Variants in LUC7L3 observed in about 807,000 individuals in gnomAD.
LUC7L3 encodes luc7-like protein 3.
LUC7L3 carries 6 observed loss-of-function variants against 66.8 expected under a neutral mutation model. The observed-to-expected ratio is 0.09, with a 90% CI of 0.05 to 0.18. LUC7L3 has a LOEUF of 0.18. Ranked by LOEUF, LUC7L3 falls within the 10% of genes least tolerant of loss-of-function variation. LUC7L3 has a pLI of 1.00. For synonymous variants in LUC7L3, 160 were observed against 174.7 expected (o/e 0.92, Z 0.66); for missense variants, 341 against 531.1 (o/e 0.64, Z 3.52).
intron 1 of LUC7L3, among the ~76,000 whole-genome samples, chr17:50,734,277 C>T (rs535028315): frequency 5.3e-5 from 8 of 152,106 alleles, no homozygotes; most frequent in African/African-American, 1.7e-4. Flanking sequence ...AAGCAATTCT[C>T]CTGCCTCAGC....
intron 1 of LUC7L3, among the ~76,000 whole-genome samples, chr17:50,720,456 ATAT>A (rs577332872): frequency 1.1e-3 from 164 of 152,224 alleles, no homozygotes; most frequent in Non-Finnish European, 1.8e-3. Context: ...GTAAAGGTAA[ATAT>A]TATAACCCCA....
intron 5 of LUC7L3, among the ~76,000 whole-genome samples, chr17:50,743,497 C>A (rs12150308): frequency 0.085 from 12,893 of 152,118 alleles, 699 homozygotes; most frequent in Middle Eastern, 0.16. Context: ...TGAGCCATCG[C>A]GTCTGGCCGA....
In LUC7L3 at chr17:50,746,552, C is replaced by G. The variant is rs777875119; in HGVS notation, c.988C>G (p.Arg330Gly). ...TTTTAAATTATTAAGAAGTAGAGAT[C>G]GACGAAGAAGCAGAAGCCATGATCG... ...RERRRSRSRD[R>G]RRSRSHDRSE... Residue 330 changes from arginine to glycine, a missense_variant, in exon 9 of 10, where the codon CGA (arginine) becomes GGA (glycine). Transcript: ENST00000505658. 3 of 1,612,012 alleles carry G rather than the reference C, an allele frequency of 1.9e-6. No individual in the cohort carries two copies. Among genetic ancestry groups the G allele is most frequent in the Non-Finnish European group, 1.7e-6 (2 of 1,179,406 alleles).
chr17:50,736,128 C>T (rs1344230131), intron 1 of LUC7L3, among the ~76,000 whole-genome samples: 2 of 152,048 alleles, frequency 1.3e-5, no homozygotes, highest in African/African-American at 4.8e-5. Context: ...GTGAGTGAGA[C>T]TCTGTTTCAA....
At chr17:50,745,660 C>G in intron 7 of LUC7L3, 60 bp from the exon 8 acceptor site, 1 of 1,351,342 alleles carries the variant, frequency 7.4e-7, no homozygotes, top group Admixed American at 2.3e-5. Flanking sequence ...CATTAGTTGA[C>G]CATTGTTTAA....
At chr17:50,741,787 C>CAAAAAT (rs1970362853) in intron 5 of LUC7L3, 56 bp downstream of exon 5, 1 of 1,356,132 alleles carries the variant, frequency 7.4e-7, no homozygotes, top group African/African-American at 1.4e-5. Context: ...ATGTAACCAG[C>CAAAAAT]AAAAATACAA....
intron 1 of LUC7L3, among the ~76,000 whole-genome samples, chr17:50,728,097 G>A (rs958127461): frequency 2.0e-5 from 3 of 147,194 alleles, no homozygotes; most frequent in African/African-American, 7.6e-5. Flanking sequence ...CAGCATGGGC[G>A]ACAGAGCGAG....
At position 50,750,751 on chromosome 17, in the gene LUC7L3, G is replaced by A. The variant is rs1167435927; in HGVS notation, c.*90G>A. On this transcript the variant is annotated 3_prime_UTR_variant, in exon 10 of 10. Coordinates refer to ENST00000505658, the MANE Select transcript of LUC7L3 (RefSeq NM_016424.5). Reference sequence around the variant, plus strand: ...CTTTTTGTTACTGTTTGACAGTGCAGCGTAAGTATGCACAGATGAAGATGG... The same window carrying A: ...CTTTTTGTTACTGTTTGACAGTGCAACGTAAGTATGCACAGATGAAGATGG... The A allele has an allele frequency of 4.4e-6, 7 of 1,607,844 alleles. No individual in the cohort carries two copies. Among genetic ancestry groups the A allele is most frequent in the Non-Finnish European group, 5.9e-6 (7 of 1,177,576 alleles).
At chr17:50,735,738 T>C (rs1278096015) in intron 1 of LUC7L3, among the ~76,000 whole-genome samples, 2 of 152,214 alleles carry the variant, frequency 1.3e-5, no homozygotes, top group Non-Finnish European at 2.9e-5. Context: ...GCTAAAGTTA[T>C]CCTCCTGCCT....
At chr17:50,733,276 C>A (rs1969746177) in intron 1 of LUC7L3, among the ~76,000 whole-genome samples, 1 of 150,522 alleles carries the variant, frequency 6.6e-6, no homozygotes. Flanking sequence ...CAGAGTCTCG[C>A]TCTATCACCC....
At chr17:50,746,999 A>T (rs1970707134) in intron 9 of LUC7L3, among the ~76,000 whole-genome samples, 1 of 151,622 alleles carries the variant, frequency 6.6e-6, no homozygotes, top group African/African-American at 2.4e-5. Context: ...TAGGTGTAGG[A>T]TTTATTATAT....
At position 50,750,925 on chromosome 17, in the gene LUC7L3, C is replaced by T. The variant is rs957598414; in HGVS notation, c.*264C>T. The T allele has an allele frequency of 8.5e-6, 13 of 1,534,772 alleles. No homozygotes were observed. Among genetic ancestry groups the T allele is most frequent in the Non-Finnish European group, 7.9e-6 (9 of 1,146,362 alleles). ...TAGTGTGCCTCTTTGGAAATTATCG[C>T]CCACATTTGTAATATAGTCGCCATT... is the stretch of plus-strand genomic sequence containing the variant. On this transcript the variant is annotated 3_prime_UTR_variant, in exon 10 of 10. Coordinates refer to ENST00000505658, the MANE Select transcript of LUC7L3 (RefSeq NM_016424.5).
Position 50,750,567 on chromosome 17 carries a change from A to G in LUC7L3, c.1205A>G (p.Asp402Gly), listed in dbSNP as rs756457230. The G allele has an allele frequency of 1.1e-5, 18 of 1,614,042 alleles. No homozygotes were observed. In the Admixed American group the frequency reaches 1.7e-4, roughly 15 times the overall value. The change falls in exon 10 of 10, where the codon GAC becomes GGC. Residue 402 changes from aspartate (D) to glycine (G), a missense_variant. Physicochemically the swap from Asp to Gly is moderately conservative, Grantham distance 94. Around this residue, in one of 6 missense-constraint regions of LUC7L3, gnomAD observed 210 missense variants for 238.1 expected, o/e 0.88. Coordinates refer to ENST00000505658, the MANE Select transcript of LUC7L3 (RefSeq NM_016424.5). ...KSGSREKQSE[D>G]TNTESKESDT... The stretch of plus-strand genomic sequence containing the variant: ...GGTAGTCGAGAAAAGCAGAGTGAAG[A>G]CACAAACACTGAATCGAAGGAAAGT...
chr17:50,740,370 C>T, intron 3 of LUC7L3, 25 bp downstream of exon 3: 1 of 1,599,704 alleles, frequency 6.3e-7, no homozygotes, highest in South Asian at 1.1e-5. Flanking sequence ...TTGTCATTTC[C>T]ACCCCCCCAG....
At position 50,752,891 on chromosome 17, in the gene LUC7L3, G is replaced by T. The variant is rs770265614; in HGVS notation, c.*2230G>T. 6.6e-6 allele frequency: 1 copy of T among 152,188 alleles called. No homozygotes were observed. The highest frequency in any genetic ancestry group is 1.9e-4 in the East Asian group (1 of 5,202). The allele number at this position is 152,188 out of a possible 1,614,324, so 9.4% of individuals were successfully genotyped here. A position where few individuals can be genotyped will look rare whatever the true frequency, so the allele number is the denominator to read the frequency against. On this transcript the variant is annotated 3_prime_UTR_variant, in exon 10 of 10. Coordinates refer to ENST00000505658, the MANE Select transcript of LUC7L3 (RefSeq NM_016424.5). Reference sequence around the variant, plus strand: ...ATTTTGCTTTTAATAGCAAAGATGTGCAGTGAACTAGAATATATTTTTACA... The same window carrying T: ...ATTTTGCTTTTAATAGCAAAGATGTTCAGTGAACTAGAATATATTTTTACA...
chr17:50,724,473 A>C (rs1440488137), intron 1 of LUC7L3, among the ~76,000 whole-genome samples: 1 of 152,026 alleles, frequency 6.6e-6, no homozygotes, highest in Non-Finnish European at 1.5e-5. Context: ...GTGAGCCGAG[A>C]TGGTGCCACC....
intron 2 of LUC7L3, 185 bp from the exon 3 acceptor site, chr17:50,740,121 C>G: frequency 1.8e-6 from 1 of 546,492 alleles, no homozygotes; most frequent in South Asian, 2.5e-5. Flanking sequence ...CTGAGCAGAT[C>G]AATTTTATAT....
chr17:50,722,286 C>G (rs1968833869), intron 1 of LUC7L3: 1 of 148,572 alleles, frequency 6.7e-6, no homozygotes, highest in Non-Finnish European at 1.5e-5. Context: ...CACCCTCCGC[C>G]TCCCGGGTTC....
rs377484950 is a variant in LUC7L3, at chr17:50,747,761, ACACT to A, written c.1138+1061_1138+1064del. ...GCTTTTATTTTCTTAAAATAAGCAC[ACACT>A]CTTTTTCTGAAATATTTAACATCTA... On this transcript the variant is annotated intron_variant, in intron 9 of 9. Coordinates refer to ENST00000505658, the MANE Select transcript of LUC7L3 (RefSeq NM_016424.5). 3.8e-4 allele frequency among the ~76,000 whole-genome samples: 58 copies of A among 152,314 alleles called. 1 individual carries two copies. The South Asian group carries it at 0.011, about 30-fold the overall frequency.
Sources: allele counts gnomAD v4.1 joint callset (sites outside exome capture counted in the v4.1 genomes callset), GRCh38; gene constraint gnomAD v4.1.1; regional missense constraint gnomAD v4.1.1; transcripts MANE v1.5; gene names NCBI Gene and HGNC (gene_info 2026-07-23, HGNC 2026-07-21).